ABTB2: variants seen among roughly 807,000 people sequenced by gnomAD.
ABTB2 encodes the protein ankyrin repeat and BTB/POZ domain-containing protein 2.
In ABTB2, 56 loss-of-function variants were observed where a neutral mutation model predicts 104.1. The observed-to-expected ratio is 0.54, with a 90% CI of 0.43 to 0.67. The LOEUF (loss-of-function observed/expected upper bound fraction) is 0.67. Ranked by LOEUF, ABTB2 falls within the 30% of genes least tolerant of loss-of-function variation. The pLI, the probability that ABTB2 is intolerant of heterozygous loss-of-function variation, is 0.00. For missense variants in ABTB2, 1,279 were observed against 1,407.7 expected, an observed-to-expected ratio of 0.91 and a Z score of 1.46; for synonymous variants, 606 against 608.2, an observed-to-expected ratio of 1.00 and a Z score of 0.05.
Position 34,165,292 on chromosome 11 carries a change from G to A in ABTB2, c.1820C>T (p.Ala607Val), listed in dbSNP as rs1852782241. 3 of 1,568,136 alleles carry A rather than the reference G, an allele frequency of 1.9e-6. No homozygotes were observed. Among genetic ancestry groups the A allele is most frequent in the East Asian group, 2.4e-5 (1 of 41,750 alleles). ...AGAGGCCAGCTGCAGGGGCGTCTCCGCATAGCTGTCCTCGCCGCCGTTCAC... is the reference window on the plus strand; with the variant it reads ...AGAGGCCAGCTGCAGGGGCGTCTCCACATAGCTGTCCTCGCCGCCGTTCAC... The part of the protein sequence containing the change: ...SAVNGGEDSY[A>V]ETPLQLASAA... Residue 607 changes from alanine to valine, a missense_variant, in exon 8 of 17, where the codon GCG becomes GTG. Transcript: ENST00000435224.
intron 1 of ABTB2, among the ~76,000 whole-genome samples, chr11:34,284,246 A>G (rs1172565009): frequency 6.6e-6 from 1 of 152,254 alleles, no homozygotes; most frequent in African/African-American, 2.4e-5. Context: ...ATCATCCTGT[A>G]GGGCAGAGAT....
At chr11:34,192,261 C>T (rs1853185820) in intron 3 of ABTB2, among the ~76,000 whole-genome samples, 1 of 152,132 alleles carries the variant, frequency 6.6e-6, no homozygotes, top group African/African-American at 2.4e-5. Flanking sequence ...CCACTGCACT[C>T]CAGCCTGGGA....
chr11:34,164,522 G>A (rs988269298), intron 9 of ABTB2, among the ~76,000 whole-genome samples, 164 bp downstream of exon 9: 3 of 152,240 alleles, frequency 2.0e-5, no homozygotes, highest in Non-Finnish European at 4.4e-5. Context: ...TGGGCCCTGT[G>A]CAGGCTAAAC....
intron 1 of ABTB2, among the ~76,000 whole-genome samples, chr11:34,231,019 A>C (rs2133056916): frequency 6.6e-6 from 1 of 152,256 alleles, no homozygotes; most frequent in East Asian, 1.9e-4. Context: ...CAGATCCTAG[A>C]TTCTAATAGC....
At chr11:34,211,016 T>C (rs1268477057) in intron 1 of ABTB2, among the ~76,000 whole-genome samples, 1 of 152,186 alleles carries the variant, frequency 6.6e-6, no homozygotes, top group Non-Finnish European at 1.5e-5. Flanking sequence ...TGCCCAGTTG[T>C]TATATATTAG....
chr11:34,169,993 C>G (rs560637850), intron 5 of ABTB2, among the ~76,000 whole-genome samples: 6 of 152,224 alleles, frequency 3.9e-5, no homozygotes, highest in African/African-American at 1.4e-4. Flanking sequence ...TGCCTTAACT[C>G]GCCACTGTCA....
chr11:34,237,741 A>G (rs1853864070), intron 1 of ABTB2, among the ~76,000 whole-genome samples: 1 of 152,124 alleles, frequency 6.6e-6, no homozygotes, highest in Admixed American at 6.5e-5. Flanking sequence ...AAATACAAAA[A>G]TTAGCTGGGC....
At chr11:34,256,408 G>T (rs1156709969) in intron 1 of ABTB2, among the ~76,000 whole-genome samples, 3 of 152,118 alleles carry the variant, frequency 2.0e-5, no homozygotes, top group African/African-American at 7.2e-5. Flanking sequence ...TCAGCCTTGG[G>T]TTTCTAGCAG....
At chr11:34,223,346 T>C (rs1431907878) in intron 1 of ABTB2, among the ~76,000 whole-genome samples, 6 of 152,152 alleles carry the variant, frequency 3.9e-5, no homozygotes, top group African/African-American at 9.7e-5. Flanking sequence ...CACAGCACAA[T>C]TGACAGAGAG....
At chr11:34,324,802 GA>G (rs767837526) in intron 1 of ABTB2, among the ~76,000 whole-genome samples, 38 of 152,126 alleles carry the variant, frequency 2.5e-4, no homozygotes, top group Non-Finnish European at 4.6e-4. Context: ...TTTCTGCCAA[GA>G]AAGCACAAAG....
rs771067701 is a variant in ABTB2, at chr11:34,161,062, G to A, written c.2238C>T (p.His746=). ...AGGTCCTCAGAGACTCGATCCAGATGTGCAGCTTCCAGGGGACTCCTGGTC... is the reference window on the plus strand; with the variant it reads ...AGGTCCTCAGAGACTCGATCCAGATATGCAGCTTCCAGGGGACTCCTGGTC... The part of the protein sequence containing the change: ...LRALGVPWKL[H]IWIESLRTSF... Residue 746 remains histidine (H), a synonymous_variant, in exon 11 of 17, where the codon CAC becomes CAT. Transcript: ENST00000435224. 2.1e-5 allele frequency: 34 copies of A among 1,610,602 alleles called. No individual in the cohort carries two copies. Among genetic ancestry groups the A allele is most frequent in the Non-Finnish European group, 2.5e-5 (29 of 1,178,386 alleles).
At chr11:34,283,495 T>C (rs1854471804) in intron 1 of ABTB2, among the ~76,000 whole-genome samples, 1 of 152,158 alleles carries the variant, frequency 6.6e-6, no homozygotes. Context: ...GGATTATAGG[T>C]GTGAGCCACC....
chr11:34,165,742 CAGA>C (rs1359824048), intron 7 of ABTB2, among the ~76,000 whole-genome samples: 2 of 152,220 alleles, frequency 1.3e-5, no homozygotes, highest in Non-Finnish European at 2.9e-5. Flanking sequence ...GTGTTGGAGT[CAGA>C]AGGAGCAGGG....
chr11:34,258,850 C>T (rs1442691549), intron 1 of ABTB2, among the ~76,000 whole-genome samples: 1 of 151,772 alleles, frequency 6.6e-6, no homozygotes, highest in African/African-American at 2.4e-5. Context: ...ATCTACCTGC[C>T]TCGGCCTCCC....
intron 1 of ABTB2, among the ~76,000 whole-genome samples, chr11:34,352,584 A>G (rs1364296215): frequency 3.3e-5 from 5 of 152,212 alleles, no homozygotes; most frequent in East Asian, 3.8e-4. Context: ...TAATTGTTGA[A>G]TGAATTTACT....
intron 5 of ABTB2, among the ~76,000 whole-genome samples, chr11:34,169,777 A>C: frequency 1.4e-5 from 2 of 147,040 alleles, no homozygotes; most frequent in South Asian, 2.2e-4. Context: ...CCCACCCCAC[A>C]CTCCTTATGT....
intron 1 of ABTB2, among the ~76,000 whole-genome samples, chr11:34,214,359 C>T (rs1055077993): frequency 2.0e-5 from 3 of 152,006 alleles, no homozygotes; most frequent in African/African-American, 7.3e-5. Flanking sequence ...GGCATAGGAA[C>T]AATGACTGTT....
chr11:34,311,252 G>C (rs1854849460), intron 1 of ABTB2, among the ~76,000 whole-genome samples: 1 of 152,196 alleles, frequency 6.6e-6, no homozygotes, highest in Admixed American at 6.5e-5. Context: ...AGGTGAAGCT[G>C]GACAGGAACT....
chr11:34,182,668 C>A lies in ABTB2; in HGVS notation c.1245-9361G>T, dbSNP rs115823851. On this transcript the variant is annotated intron_variant, in intron 3 of 16. Coordinates refer to ENST00000435224, the MANE Select transcript of ABTB2 (RefSeq NM_145804.3). ...TCCCCAGGGGTCACCCTTCAGGTCCCCATAGGAGCCTGAGAGTTTCTGTTA... is the reference window on the plus strand; with the variant it reads ...TCCCCAGGGGTCACCCTTCAGGTCCACATAGGAGCCTGAGAGTTTCTGTTA... 9.1e-3 allele frequency among the ~76,000 whole-genome samples: 1,378 copies of A among 152,062 alleles called. 17 individuals are homozygous for A. Among genetic ancestry groups the A allele is most frequent in the African/African-American group, 0.032 (1,306 of 41,428 alleles).
Sources: gnomAD v4.1 joint callset for allele counts (sites outside exome capture counted in the v4.1 genomes callset) on GRCh38, gnomAD v4.1.1 for gene constraint, MANE v1.5 for transcripts, NCBI Gene and HGNC (gene_info 2026-07-23, HGNC 2026-07-21) for gene names.